The following TBCD variants were observed in gnomAD, a reference collection of about 807,000 sequenced individuals.
TBCD encodes tubulin folding cofactor D.
Under a neutral mutation model 169.3 loss-of-function variants are expected in TBCD, and 105 were observed. That is an observed-to-expected ratio of 0.62 (90% CI 0.53 to 0.73). The LOEUF is 0.73. TBCD is among the 30% of genes least tolerant of loss of function. TBCD has a pLI of 0.00. For synonymous variants in TBCD, 700 were observed against 643.9 expected, an observed-to-expected ratio of 1.09 and a Z score of -1.32; for missense variants, 1,444 against 1,600.1, an observed-to-expected ratio of 0.90 and a Z score of 1.66.
At chr17:82,759,185 A>G (rs968566965) in intron 2 of TBCD, among the ~76,000 whole-genome samples, 1 of 152,016 alleles carries the variant, frequency 6.6e-6, no homozygotes, top group Non-Finnish European at 1.5e-5. Context: ...TAGTTAATTA[A>G]AAAACTTTTT....
At chr17:82,887,805 C>T (rs1024509364) in intron 15 of TBCD, among the ~76,000 whole-genome samples, 15 of 152,174 alleles carry the variant, frequency 9.9e-5, no homozygotes, top group African/African-American at 3.6e-4. Flanking sequence ...TGTGGTGATA[C>T]GTCGTTGTGG....
chr17:82,789,291 T>TA lies in TBCD; in HGVS notation c.771+7571dup, dbSNP rs955912682. Among the ~76,000 whole-genome samples, 2 of 152,192 alleles carry TA rather than the reference T, an allele frequency of 1.3e-5. No individual in the cohort carries two copies. The highest frequency in any genetic ancestry group is 4.8e-5 in the African/African-American group (2 of 41,448). On this transcript the variant is annotated intron_variant, in intron 7 of 38. Transcript: ENST00000355528. The surrounding 1 kb of genome is among the most constrained non-coding windows in gnomAD (Gnocchi z 4.8). ...GGGGCGGGCACAGTGCCGTGAGTCTTACAGAAACCTGCATGGTGAGCCGCA... is the reference window on the plus strand; with the variant it reads ...GGGGCGGGCACAGTGCCGTGAGTCTTAACAGAAACCTGCATGGTGAGCCGCA...
At position 82,889,845 on chromosome 17, in the gene TBCD, G is replaced by T; in HGVS notation, c.1563+148G>T. On this transcript the variant is annotated intron_variant, in intron 16 of 38. Coordinates refer to ENST00000355528, the MANE Select transcript of TBCD (RefSeq NM_005993.5). The surrounding 1 kb of genome is among the most constrained non-coding windows in gnomAD (Gnocchi z 5.3). ...CAGGGTCATGAGTTCACTATAGGAC[G>T]CACATGTTAAACAGCGAGTCCTGTT... 1 of 875,910 alleles carries T rather than the reference G, an allele frequency of 1.1e-6. No homozygotes were observed. The highest frequency in any genetic ancestry group is 1.7e-6 in the Non-Finnish European group (1 of 574,614). 54.3% of individuals were successfully genotyped at this position (875,910 alleles called of 1,614,324 possible).
At chr17:82,765,866 A>G (rs1364843093) in intron 3 of TBCD, among the ~76,000 whole-genome samples, 5 of 152,116 alleles carry the variant, frequency 3.3e-5, no homozygotes, top group Admixed American at 3.3e-4. Flanking sequence ...CACTCAGGCT[A>G]GAGTGCAGTG....
At chr17:82,825,845 C>T (rs9914570) in intron 13 of TBCD, among the ~76,000 whole-genome samples, 35,975 of 152,170 alleles carry the variant, frequency 0.24, 4,551 homozygotes, top group East Asian at 0.46. Context: ...CACATCTGTA[C>T]TCCCAGCACT....
intron 10 of TBCD, 46 bp from the exon 11 acceptor site, chr17:82,807,562 G>C: frequency 7.1e-7 from 1 of 1,411,192 alleles, no homozygotes; most frequent in Non-Finnish European, 9.3e-7. Context: ...GGGAAACTAG[G>C]AACTTTGTGT....
At chr17:82,758,672 T>C (rs1186236963) in intron 2 of TBCD, among the ~76,000 whole-genome samples, 1 of 143,266 alleles carries the variant, frequency 7.0e-6, no homozygotes, top group South Asian at 2.3e-4. Context: ...TTTTTTTTTT[T>C]TTTTTTTGAG....
At chr17:82,760,352 T>C (rs79356223) in intron 2 of TBCD, among the ~76,000 whole-genome samples, 3,356 of 152,322 alleles carry the variant, frequency 0.022, 142 homozygotes, top group African/African-American at 0.077. Flanking sequence ...CTTTCTAAGA[T>C]TTAATTTTCA....
intron 14 of TBCD, among the ~76,000 whole-genome samples, chr17:82,877,926 G>GTT (rs2058081836): frequency 6.6e-6 from 1 of 152,216 alleles, no homozygotes; most frequent in Non-Finnish European, 1.5e-5. Flanking sequence ...TTCAAGTAGT[G>GTT]AAAGCAGTGT....
At position 82,930,455 on chromosome 17, in the gene TBCD, G is replaced by A. The variant is rs113974437; in HGVS notation, c.2992-67G>A. 37,745 of 1,576,290 alleles carry A rather than the reference G, an allele frequency of 0.024. 809 individuals carry two copies. Among genetic ancestry groups the A allele is most frequent in the African/African-American group, 0.11 (8,305 of 74,132 alleles). ...CTCTTCAGCAGATGCTTGACCGGCT[G>A]TAGCCAAGCCTGAGGGGTGGCAGGC... On this transcript the variant is annotated intron_variant, in intron 32 of 38. Coordinates refer to ENST00000355528, the MANE Select transcript of TBCD (RefSeq NM_005993.5). This position sits in a 1 kb window ranked among gnomAD's most constrained non-coding sequence, Gnocchi z 5.2.
At position 82,768,431 on chromosome 17, in the gene TBCD, C is replaced by T. The variant is rs773291113; in HGVS notation, c.447C>T (p.Thr149=). ...GTTTAATTTTTTAGGCTTGGGAAAC[C>T]CGCTACATGCTTTTGCTCTGGCTCT... ...QNPKDHEAWE[T]RYMLLLWLSV... is the part of the protein sequence containing the mutation. Residue 149 remains threonine (T), a synonymous_variant, in exon 5 of 39, where the codon ACC becomes ACT. Coordinates refer to ENST00000355528, the MANE Select transcript of TBCD (RefSeq NM_005993.5). 1 of 1,613,904 alleles carries T rather than the reference C, an allele frequency of 6.2e-7. No individual in the cohort carries two copies. Among genetic ancestry groups the T allele is most frequent in the South Asian group, 1.1e-5 (1 of 91,068 alleles).
chr17:82,832,608 G>T lies in TBCD; in HGVS notation c.1318+17674G>T. 1 of 707,148 alleles carries T rather than the reference G, an allele frequency of 1.4e-6. No individual in the cohort carries two copies. 43.8% of individuals were successfully genotyped at this position (707,148 alleles called of 1,614,324 possible). On this transcript the variant is annotated intron_variant, in intron 13 of 38. Transcript: ENST00000355528. The surrounding 1 kb of genome is among the most constrained non-coding windows in gnomAD (Gnocchi z 4.9). ...CAGCTCTGCGTGCTGAGGGTCTGGCGAGAGCCTCCGTCATCTGGCGGCTGG... is the reference window on the plus strand; with the variant it reads ...CAGCTCTGCGTGCTGAGGGTCTGGCTAGAGCCTCCGTCATCTGGCGGCTGG...
At chr17:82,781,297 G>T (rs531187791) in intron 6 of TBCD, among the ~76,000 whole-genome samples, 100 of 150,424 alleles carry the variant, frequency 6.6e-4, no homozygotes, top group African/African-American at 2.1e-3. Flanking sequence ...AGGTAAAACT[G>T]GGGGGGTGGA....
intron 1 of TBCD, among the ~76,000 whole-genome samples, chr17:82,753,985 T>G (rs892750569): frequency 6.6e-6 from 1 of 150,456 alleles, no homozygotes; most frequent in Non-Finnish European, 1.5e-5. Flanking sequence ...CAAGTGATTC[T>G]CCTGCCTCAG....
At position 82,930,624 on chromosome 17, in the gene TBCD, G is replaced by A. The variant is rs1234675576; in HGVS notation, c.3094G>A (p.Asp1032Asn). 5 of 1,613,842 alleles carry A rather than the reference G, an allele frequency of 3.1e-6. No homozygotes were observed. Among genetic ancestry groups the A allele is most frequent in the Non-Finnish European group, 4.2e-6 (5 of 1,179,876 alleles). The change falls in exon 33 of 39, where the codon GAC becomes AAC. Residue 1032 changes from aspartate to asparagine, a missense_variant. Asp to Asn is a conservative substitution (Grantham distance 23, BLOSUM62 1). Coordinates refer to ENST00000355528, the MANE Select transcript of TBCD (RefSeq NM_005993.5). The surrounding 1 kb of genome is among the most constrained non-coding windows in gnomAD (Gnocchi z 5.2). Reference sequence around the variant, plus strand: ...CGGGACCCTTCTGCAGATCTTTGAGGACAACCTTCTGAATGAGAGGTGAGT... The same window carrying A: ...CGGGACCCTTCTGCAGATCTTTGAGAACAACCTTCTGAATGAGAGGTGAGT... ...FSGTLLQIFE[D>N]NLLNERVSVP...
At chr17:82,896,881 C>T (rs541898757) in intron 17 of TBCD, among the ~76,000 whole-genome samples, 255 of 151,656 alleles carry the variant, frequency 1.7e-3, no homozygotes, top group Non-Finnish European at 3.1e-3. Flanking sequence ...GGGTGTTGGT[C>T]TTTCAAGCTC....
intron 14 of TBCD, among the ~76,000 whole-genome samples, chr17:82,878,705 G>A (rs1319071331): frequency 6.6e-6 from 1 of 152,184 alleles, no homozygotes; most frequent in Non-Finnish European, 1.5e-5. Context: ...TGGGGTACTC[G>A]AAGGTTATGC....
At chr17:82,804,498 G>C (rs2050808167) in intron 9 of TBCD, among the ~76,000 whole-genome samples, 2 of 152,204 alleles carry the variant, frequency 1.3e-5, no homozygotes, top group African/African-American at 4.8e-5. Flanking sequence ...GAGGCTTCTT[G>C]AAGGCGCCGG....
At chr17:82,825,554 G>A (rs2052768915) in intron 13 of TBCD, among the ~76,000 whole-genome samples, 1 of 152,064 alleles carries the variant, frequency 6.6e-6, no homozygotes, top group Non-Finnish European at 1.5e-5. Flanking sequence ...TGTCTGAGGT[G>A]GGTGCCTGAC....
Sources: allele counts gnomAD v4.1 joint callset (sites outside exome capture counted in the v4.1 genomes callset), GRCh38; gene constraint gnomAD v4.1.1; non-coding constraint Gnocchi (gnomAD v3.1); transcripts MANE v1.5; gene names NCBI Gene and HGNC (gene_info 2026-07-23, HGNC 2026-07-21).